Variants in SLC4A4 observed in about 807,000 individuals in gnomAD.
SLC4A4 encodes electrogenic sodium bicarbonate cotransporter 1.
In SLC4A4, 27 loss-of-function variants were observed where a neutral mutation model predicts 111.5. The ratio of observed to expected loss-of-function variants is 0.24; its 90% CI spans 0.18 to 0.33. The LOEUF is 0.33. Ranked by LOEUF, SLC4A4 falls within the 10% of genes least tolerant of loss-of-function variation. The pLI, the probability that SLC4A4 is intolerant of heterozygous loss-of-function variation, is 1.00. For missense variants in SLC4A4, 909 were observed against 1,315.5 expected, an observed-to-expected ratio of 0.69 and a Z score of 4.78; for synonymous variants, 443 against 463.4, an observed-to-expected ratio of 0.96 and a Z score of 0.57.
chr4:71,281,206 G>A (rs937854323), intron 3 of SLC4A4, among the ~76,000 whole-genome samples: 6 of 152,148 alleles, frequency 3.9e-5, no homozygotes, highest in African/African-American at 9.7e-5. Context: ...GATGCTAGAC[G>A]TTGTGTTTAG....
chr4:71,315,586 G>C (rs1403528472), intron 3 of SLC4A4, among the ~76,000 whole-genome samples: 1 of 152,062 alleles, frequency 6.6e-6, no homozygotes, highest in African/African-American at 2.4e-5. Flanking sequence ...CTGGGGTTGA[G>C]TACAGTATAA....
At chr4:71,320,827 G>A (rs1008537582) in intron 3 of SLC4A4, among the ~76,000 whole-genome samples, 3 of 151,966 alleles carry the variant, frequency 2.0e-5, no homozygotes, top group Non-Finnish European at 4.4e-5. Context: ...AGCCTTACAC[G>A]TTACCCCAAG....
At chr4:71,184,537 T>G (rs1199383558), upstream of SLC4A4, among the ~76,000 whole-genome samples, 2 of 152,220 alleles carry the variant, frequency 1.3e-5, no homozygotes, top group Non-Finnish European at 2.9e-5. Flanking sequence ...CAGAGAGTTG[T>G]TGATTAAAAA....
chr4:71,172,819 C>T (rs180941541), intron 2 of SLC4A4, among the ~76,000 whole-genome samples: 18 of 152,262 alleles, frequency 1.2e-4, no homozygotes, highest in East Asian at 9.7e-4. Context: ...TTCCCTCCTC[C>T]GCTTATTTTA....
At chr4:71,437,479 G>T in intron 7 of SLC4A4, 2 of 355,754 alleles carry the variant, frequency 5.6e-6, no homozygotes, top group Non-Finnish European at 5.6e-6. Context: ...TTCTCCTTTT[G>T]CTGGAACACC....
At chr4:71,502,847 T>C (rs1007563001) in intron 16 of SLC4A4, among the ~76,000 whole-genome samples, 1 of 152,178 alleles carries the variant, frequency 6.6e-6, no homozygotes, top group Admixed American at 6.6e-5. Flanking sequence ...TTAGGTCCAT[T>C]TGATGTATGG....
chr4:71,433,370 G>C (rs1339099705), intron 7 of SLC4A4, among the ~76,000 whole-genome samples: 1 of 151,570 alleles, frequency 6.6e-6, no homozygotes, highest in African/African-American at 2.4e-5. Context: ...CTTTTCAGTA[G>C]TTTAAAGATA....
intron 6 of SLC4A4, among the ~76,000 whole-genome samples, chr4:71,381,025 G>T (rs1019941183): frequency 2.0e-5 from 3 of 152,136 alleles, no homozygotes; most frequent in African/African-American, 7.2e-5. Flanking sequence ...TCAATCCCAG[G>T]AAACAGCTGG....
chr4:71,074,557 G>A (rs1447320905), intron 1 of SLC4A4, among the ~76,000 whole-genome samples: 2 of 151,604 alleles, frequency 1.3e-5, no homozygotes, highest in Non-Finnish European at 2.9e-5. Flanking sequence ...TGTCTAGGAC[G>A]TAGCCATGAT....
intron 16 of SLC4A4, among the ~76,000 whole-genome samples, chr4:71,524,504 TCC>T: frequency 6.6e-6 from 1 of 152,288 alleles, no homozygotes; most frequent in South Asian, 2.1e-4. Flanking sequence ...TCTTCTTTGC[TCC>T]TCAAATCTCT....
chr4:71,565,320 A>G (rs1318411038), intron 24 of SLC4A4, among the ~76,000 whole-genome samples: 2 of 151,702 alleles, frequency 1.3e-5, no homozygotes, highest in African/African-American at 4.8e-5. Flanking sequence ...TGTGATCTCC[A>G]TACATCTTCA....
intron 1 of SLC4A4, among the ~76,000 whole-genome samples, chr4:71,229,097 G>A (rs1719232646): frequency 1.3e-5 from 2 of 152,110 alleles, no homozygotes; most frequent in South Asian, 4.1e-4. Flanking sequence ...ACATGAATCT[G>A]TCCTAAATCT....
At chr4:71,227,869 A>G (rs1285922334) in intron 1 of SLC4A4, among the ~76,000 whole-genome samples, 1 of 152,182 alleles carries the variant, frequency 6.6e-6, no homozygotes, top group Non-Finnish European at 1.5e-5. Context: ...TCCTGTCTGT[A>G]ACGGTAAAAC....
intron 23 of SLC4A4, among the ~76,000 whole-genome samples, chr4:71,562,364 T>C (rs1563091): frequency 0.87 from 131,994 of 151,688 alleles, 58,406 homozygotes; most frequent in Non-Finnish European, 0.96. Flanking sequence ...AAGTTTACTT[T>C]TTAGTCATAG....
rs1283705196 is a variant in SLC4A4 at position 71,568,986 on chromosome 4, C to G, written c.*1235C>G. The G allele has an allele frequency of 6.6e-6, 1 of 151,728 alleles. No homozygotes were observed. The highest frequency in any genetic ancestry group is 1.5e-5 in the Non-Finnish European group (1 of 67,812). 9.4% of individuals were successfully genotyped at this position (151,728 alleles called of 1,614,324 possible). A position where few individuals can be genotyped will look rare whatever the true frequency, so the allele number is the denominator to read the frequency against. ...ACAGATGCTGGTTGTATTACCACGTCAATGTCCTATGCAGTATTGTTAGAC... is the reference window on the plus strand; with the variant it reads ...ACAGATGCTGGTTGTATTACCACGTGAATGTCCTATGCAGTATTGTTAGAC... On this transcript the variant is annotated 3_prime_UTR_variant, in exon 26 of 26. Transcript: ENST00000264485.
intron 2 of SLC4A4, among the ~76,000 whole-genome samples, chr4:71,152,220 T>C (rs1454683485): frequency 2.0e-5 from 3 of 152,286 alleles, no homozygotes; most frequent in Admixed American, 1.3e-4. Flanking sequence ...TCTCACCAAG[T>C]GGTAACCATT....
intron 2 of SLC4A4, among the ~76,000 whole-genome samples, chr4:71,132,579 GGACA>G (rs934945924): frequency 5.9e-5 from 9 of 152,126 alleles, no homozygotes; most frequent in African/African-American, 2.2e-4. Context: ...GGATACAGAG[GGACA>G]GACAGAGAGA....
At chr4:71,534,473 C>A (rs1186307077) in intron 18 of SLC4A4, 85 bp downstream of exon 18, 1 of 1,340,858 alleles carries the variant, frequency 7.5e-7, no homozygotes, top group Non-Finnish European at 1.1e-6. Flanking sequence ...ACCAAGGGAG[C>A]TTTGTTGGGA....
chr4:71,551,458 A>C (rs926446144), intron 20 of SLC4A4, among the ~76,000 whole-genome samples: 1 of 151,850 alleles, frequency 6.6e-6, no homozygotes, highest in Non-Finnish European at 1.5e-5. Context: ...TGAGCTCGGC[A>C]TTTGATTAAG....
Sources: gnomAD v4.1 joint callset for allele counts (sites outside exome capture counted in the v4.1 genomes callset) on GRCh38, gnomAD v4.1.1 for gene constraint, MANE v1.5 for transcripts, NCBI Gene and HGNC (gene_info 2026-07-23, HGNC 2026-07-21) for gene names.